ARHGAP24: variants seen among roughly 807,000 people sequenced by gnomAD.
ARHGAP24 encodes the protein Rho GTPase activating protein 24, also known as rho GTPase-activating protein 24.
Under a neutral mutation model 76.4 loss-of-function variants are expected in ARHGAP24, and 50 were observed. The ratio of observed to expected loss-of-function variants is 0.65; its 90% CI spans 0.52 to 0.83. The LOEUF (loss-of-function observed/expected upper bound fraction) is 0.83, where lower values mean the gene tolerates loss of function less well. Among genes scored for constraint, ARHGAP24 ranks in the 40% least tolerant of loss-of-function variants. The probability of loss-of-function intolerance (pLI) is 0.00; values close to 1 mark genes in which losing one functional copy is unlikely to be tolerated. For synonymous variants in ARHGAP24, 345 were observed against 323.3 expected, an observed-to-expected ratio of 1.07 and a Z score of -0.72; for missense variants, 930 against 914.2, an observed-to-expected ratio of 1.02 and a Z score of -0.22.
At chr4:85,684,656 C>T (rs1385014301) in intron 2 of ARHGAP24, among the ~76,000 whole-genome samples, 1 of 152,176 alleles carries the variant, frequency 6.6e-6, no homozygotes, top group African/African-American at 2.4e-5. Flanking sequence ...CCCTATTAAA[C>T]AAAAGCTACA....
intron 3 of ARHGAP24, among the ~76,000 whole-genome samples, chr4:85,798,095 C>G (rs1728440118): frequency 6.6e-6 from 1 of 152,122 alleles, no homozygotes; most frequent in African/African-American, 2.4e-5. Flanking sequence ...TTTGTGGTTT[C>G]AAACCTAGAA....
intron 3 of ARHGAP24, among the ~76,000 whole-genome samples, chr4:85,827,051 T>C (rs1470965324): frequency 7.2e-5 from 11 of 152,206 alleles, no homozygotes; most frequent in African/African-American, 1.9e-4. Flanking sequence ...CGTTTGTATC[T>C]ATTTATAATA....
At chr4:85,494,359 T>A (rs534565241) in intron 1 of ARHGAP24, among the ~76,000 whole-genome samples, 79 of 152,190 alleles carry the variant, frequency 5.2e-4, no homozygotes, top group African/African-American at 1.9e-3. Context: ...ACTTAATGAG[T>A]GAGAACATAC....
intron 4 of ARHGAP24, among the ~76,000 whole-genome samples, chr4:85,938,793 A>C (rs1190015963): frequency 6.6e-6 from 1 of 152,040 alleles, no homozygotes; most frequent in Non-Finnish European, 1.5e-5. Context: ...TTTGGGGGGC[A>C]GCATGCTCAT....
chr4:85,541,452 C>T (rs1427997952), intron 1 of ARHGAP24, among the ~76,000 whole-genome samples: 1 of 121,094 alleles, frequency 8.3e-6, no homozygotes, highest in Non-Finnish European at 1.5e-5. Context: ...CGCGCCCGGC[C>T]CATCCATGAC....
At chr4:85,956,516 G>C (rs1379973145) in intron 5 of ARHGAP24, among the ~76,000 whole-genome samples, 1 of 152,114 alleles carries the variant, frequency 6.6e-6, no homozygotes, top group African/African-American at 2.4e-5. Flanking sequence ...CTCTGACCTG[G>C]GGTTCTTGGC....
At chr4:85,769,622 T>A (rs1727055466) in intron 3 of ARHGAP24, among the ~76,000 whole-genome samples, 4 of 152,072 alleles carry the variant, frequency 2.6e-5, no homozygotes. Context: ...TAATCCTTTT[T>A]TTCTTTCTTC....
chr4:85,475,329 G>T lies in ARHGAP24; in HGVS notation c.-251G>T, dbSNP rs1255344978. ...GGCGGGGGTGGCTGGGTGGCTGGGG[G>T]AATCCCCCCAACTTCCCATCGCAGG... On this transcript the variant is annotated 5_prime_UTR_variant, in exon 1 of 10. The change creates a premature stop within an existing upstream ORF in the 5' untranslated region. Transcript: ENST00000395184. 1 of 152,734 alleles carries T rather than the reference G, an allele frequency of 6.5e-6. No homozygotes were observed. Among genetic ancestry groups the T allele is most frequent in the Non-Finnish European group, 1.5e-5 (1 of 68,334 alleles). 9.5% of individuals were successfully genotyped at this position (152,734 alleles called of 1,614,324 possible). A position where few individuals can be genotyped will look rare whatever the true frequency, so the allele number is the denominator to read the frequency against.
chr4:85,559,558 G>A (rs1177114537), intron 1 of ARHGAP24, among the ~76,000 whole-genome samples: 1 of 152,130 alleles, frequency 6.6e-6, no homozygotes, highest in African/African-American at 2.4e-5. Flanking sequence ...AGCCTTCTGG[G>A]CCTCCCCAAA....
intron 4 of ARHGAP24, among the ~76,000 whole-genome samples, chr4:85,940,090 C>A (rs1736872134): frequency 6.6e-6 from 1 of 152,132 alleles, no homozygotes; most frequent in African/African-American, 2.4e-5. Flanking sequence ...TATTCTCCAA[C>A]CTAACCAGTT....
At chr4:86,000,364 G>C in intron 9 of ARHGAP24, 115 bp from the exon 10 acceptor site, 1 of 835,514 alleles carries the variant, frequency 1.2e-6, no homozygotes, top group East Asian at 2.6e-5. Context: ...AATTTCCTAA[G>C]CATCATAAAG....
At chr4:85,566,451 T>C (rs1726848821) in intron 1 of ARHGAP24, among the ~76,000 whole-genome samples, 1 of 152,216 alleles carries the variant, frequency 6.6e-6, no homozygotes, top group Non-Finnish European at 1.5e-5. Context: ...TGACATTGTG[T>C]TTAAGAACAA....
intron 1 of ARHGAP24, among the ~76,000 whole-genome samples, chr4:85,554,852 T>G (rs1726293862): frequency 7.4e-6 from 1 of 134,908 alleles, no homozygotes; most frequent in South Asian, 2.4e-4. Flanking sequence ...TTTTTTTTTT[T>G]TGTATTTTTA....
intron 3 of ARHGAP24, among the ~76,000 whole-genome samples, chr4:85,730,465 G>T (rs531865991): frequency 6.6e-6 from 1 of 152,174 alleles, no homozygotes. Context: ...GGAGCACAGT[G>T]GTGCAATCAC....
intron 3 of ARHGAP24, among the ~76,000 whole-genome samples, chr4:85,851,454 G>C (rs2110162853): frequency 6.6e-6 from 1 of 152,244 alleles, no homozygotes; most frequent in East Asian, 1.9e-4. Context: ...TTACATTTAA[G>C]GTTAATATTG....
chr4:85,519,243 C>T (rs1014814048), intron 1 of ARHGAP24, among the ~76,000 whole-genome samples: 4 of 152,106 alleles, frequency 2.6e-5, no homozygotes, highest in Non-Finnish European at 5.9e-5. Flanking sequence ...CCTTTGGTGC[C>T]ACACATTAGT....
Position 85,903,549 on chromosome 4 carries a change from A to G in ARHGAP24, c.269-20099A>G, listed in dbSNP as rs182773684. On this transcript the variant is annotated intron_variant, in intron 3 of 9. Transcript: ENST00000395184. The stretch of plus-strand genomic sequence containing the variant: ...TAAAAATATACTTCAAATTTCCATT[A>G]GCAGCATAAAGCTGCTACAATGTAC... Among the ~76,000 whole-genome samples the G allele has an allele frequency of 3.6e-3, 548 of 152,290 alleles. 4 individuals are homozygous for G. Among genetic ancestry groups the G allele is most frequent in the Non-Finnish European group, 5.5e-3 (372 of 68,016 alleles).
intron 5 of ARHGAP24, among the ~76,000 whole-genome samples, chr4:85,947,199 C>G (rs556161099): frequency 4.6e-5 from 7 of 151,832 alleles, no homozygotes; most frequent in Non-Finnish European, 8.8e-5. Flanking sequence ...TGCTTGTTGA[C>G]TTGTTTAAGT....
At chr4:85,584,970 T>C (rs996238815) in intron 2 of ARHGAP24, among the ~76,000 whole-genome samples, 1 of 152,188 alleles carries the variant, frequency 6.6e-6, no homozygotes, top group Non-Finnish European at 1.5e-5. Context: ...CTTGGTTGTT[T>C]ACTAAGAATA....
Sources: gnomAD v4.1 joint callset for allele counts (sites outside exome capture counted in the v4.1 genomes callset) on GRCh38, gnomAD v4.1.1 for gene constraint, MANE v1.5 for transcripts, NCBI Gene and HGNC (gene_info 2026-07-23, HGNC 2026-07-21) for gene names.